TARP: variants seen among roughly 807,000 people sequenced by gnomAD.
chr7:38,263,216 T>C, the TARP span, among the ~76,000 whole-genome samples: 1 of 81,892 alleles, frequency 1.2e-5, no homozygotes, highest in Non-Finnish European at 2.2e-5. Flanking sequence ...TTCCCATGCA[T>C]TTTTTGTTTA....
chr7:38,262,460 G>A, the TARP span, among the ~76,000 whole-genome samples: 1 of 151,400 alleles, frequency 6.6e-6, no homozygotes, highest in South Asian at 2.1e-4. Context: ...ATCACAACTG[G>A]AGTGTAGTAT....
At chr7:38,264,419 C>G in the TARP span, among the ~76,000 whole-genome samples, 1 of 151,100 alleles carries the variant, frequency 6.6e-6, no homozygotes, top group Non-Finnish European at 1.5e-5. Flanking sequence ...GGTGAAACCC[C>G]ATCTCTACTA....
At chr7:38,266,568 TG>T in the TARP span, among the ~76,000 whole-genome samples, 1 of 151,874 alleles carries the variant, frequency 6.6e-6, no homozygotes, top group Non-Finnish European at 1.5e-5. Flanking sequence ...TCCCAAATCC[TG>T]GGATTATAGG....
At chr7:38,260,081 C>A in the TARP span, 1 of 1,568,564 alleles carries the variant, frequency 6.4e-7, no homozygotes, top group South Asian at 1.1e-5. Context: ...CCTTGTGCCA[C>A]CGTCTGTTAT....
chr7:38,269,991 A>G, the TARP span, among the ~76,000 whole-genome samples: 1 of 151,794 alleles, frequency 6.6e-6, no homozygotes. Flanking sequence ...AGGCCCAGCT[A>G]CTCGAGAAGC....
chr7:38,262,773 G>A, the TARP span, among the ~76,000 whole-genome samples: 2 of 151,382 alleles, frequency 1.3e-5, no homozygotes, highest in African/African-American at 4.9e-5. Context: ...TCCCATCTCA[G>A]CCTTCTGAGT....
the TARP span, among the ~76,000 whole-genome samples, chr7:38,273,153 G>T: frequency 6.7e-6 from 1 of 149,714 alleles, no homozygotes; most frequent in African/African-American, 2.5e-5. Flanking sequence ...GTCACACCGA[G>T]AAATATTTTA....
At chr7:38,266,223 G>A in the TARP span, among the ~76,000 whole-genome samples, 2 of 151,368 alleles carry the variant, frequency 1.3e-5, no homozygotes, top group African/African-American at 4.9e-5. Context: ...GCAATTTCGT[G>A]TACTCCCACT....
chr7:38,264,905 G>A, the TARP span, among the ~76,000 whole-genome samples: 8 of 151,808 alleles, frequency 5.3e-5, no homozygotes, highest in South Asian at 1.7e-3. Context: ...GTTAAACTTT[G>A]TGGGTAGCAA....
the TARP span, among the ~76,000 whole-genome samples, chr7:38,272,301 A>G: frequency 2.7e-5 from 4 of 150,588 alleles, no homozygotes; most frequent in Non-Finnish European, 5.9e-5. Flanking sequence ...GCATTCTGGT[A>G]GGTAATTTCC....
At chr7:38,271,587 T>C in the TARP span, among the ~76,000 whole-genome samples, 3 of 151,600 alleles carry the variant, frequency 2.0e-5, no homozygotes, top group African/African-American at 7.3e-5. Context: ...GATTTGGTCA[T>C]TATTACTTGG....
At chr7:38,267,312 C>T in the TARP span, among the ~76,000 whole-genome samples, 2 of 151,900 alleles carry the variant, frequency 1.3e-5, no homozygotes, top group Non-Finnish European at 2.9e-5. Context: ...AGGCATATCA[C>T]TTGAATCTGG....
the TARP span, among the ~76,000 whole-genome samples, chr7:38,269,984 C>A: frequency 8.6e-5 from 13 of 151,820 alleles, no homozygotes; most frequent in African/African-American, 3.1e-4. Context: ...CGACTGTAGG[C>A]CCAGCTACTC....
chr7:38,267,766 T>G, the TARP span, among the ~76,000 whole-genome samples: 4 of 151,282 alleles, frequency 2.6e-5, no homozygotes, highest in African/African-American at 9.8e-5. Flanking sequence ...AATTGTACAT[T>G]ATATTTATAT....
chr7:38,270,991 C>T, the TARP span, among the ~76,000 whole-genome samples: 1 of 149,896 alleles, frequency 6.7e-6, no homozygotes, highest in African/African-American at 2.5e-5. Flanking sequence ...GTATGTATTC[C>T]CCTACCTTTT....
chr7:38,266,441 G>A, the TARP span, among the ~76,000 whole-genome samples: 4 of 151,626 alleles, frequency 2.6e-5, no homozygotes, highest in Admixed American at 6.6e-5. Flanking sequence ...CAAGTAGCTG[G>A]GACTACAGGT....
At chr7:38,264,708 T>G in the TARP span, among the ~76,000 whole-genome samples, 1 of 151,864 alleles carries the variant, frequency 6.6e-6, no homozygotes, top group Admixed American at 6.6e-5. Flanking sequence ...CTTTTTATTT[T>G]GCCCTGATCA....
the TARP span, among the ~76,000 whole-genome samples, chr7:38,272,230 G>A: frequency 8.0e-5 from 12 of 150,708 alleles, no homozygotes; most frequent in East Asian, 3.9e-4. Context: ...AAGACCTTTC[G>A]TGGGTAGTAA....
At chr7:38,266,365 G>A in the TARP span, among the ~76,000 whole-genome samples, 7 of 151,416 alleles carry the variant, frequency 4.6e-5, no homozygotes, top group South Asian at 1.0e-3. Context: ...GGAATGCAGC[G>A]GCAAGATCAT....
Sources: gnomAD v4.1 joint callset for allele counts (sites outside exome capture counted in the v4.1 genomes callset) on GRCh38, gnomAD v4.1.1 for gene constraint, MANE v1.5 for transcripts.